The following LRP1B variants were observed in gnomAD, a reference collection of about 807,000 sequenced individuals.
The protein encoded by LRP1B is LDL receptor related protein 1B, also known as low-density lipoprotein receptor-related protein 1B.
Under a neutral mutation model 556.6 loss-of-function variants are expected in LRP1B, and 217 were observed. The ratio of observed to expected loss-of-function variants is 0.39; its 90% CI spans 0.35 to 0.44. The LOEUF is 0.44. LRP1B is among the 20% of genes least tolerant of loss of function. LRP1B has a pLI of 1.00. For synonymous variants in LRP1B, 2,047 were observed against 1,865.8 expected (o/e 1.10, Z -2.50); for missense variants, 5,053 against 5,620.8 (o/e 0.90, Z 3.23).
intron 66 of LRP1B, among the ~76,000 whole-genome samples, chr2:140,414,384 A>AT (rs573794486): frequency 8.1e-4 from 124 of 152,248 alleles, no homozygotes; most frequent in African/African-American, 2.8e-3. Flanking sequence ...ATAGTAAAAT[A>AT]TTTAAAAAAA....
chr2:142,088,902 C>G (rs928837232), intron 1 of LRP1B, among the ~76,000 whole-genome samples: 1 of 144,390 alleles, frequency 6.9e-6, no homozygotes, highest in Non-Finnish European at 1.5e-5. Context: ...ATGAACCTGG[C>G]AGGCGGAGCT....
chr2:141,809,950 A>T (rs1198080323), intron 2 of LRP1B, among the ~76,000 whole-genome samples: 1 of 151,962 alleles, frequency 6.6e-6, no homozygotes, highest in Non-Finnish European at 1.5e-5. Context: ...TGTTAACACA[A>T]TCACATTGAA....
chr2:141,171,160 A>G (rs1205597941), intron 7 of LRP1B, among the ~76,000 whole-genome samples: 1 of 152,098 alleles, frequency 6.6e-6, no homozygotes, highest in African/African-American at 2.4e-5. Context: ...ACTTGTTACA[A>G]TTACTGAACC....
chr2:140,330,078 TAATCCCAGCTACTTGGGAGGCTGA>T (rs1680716259), intron 79 of LRP1B, among the ~76,000 whole-genome samples: 1 of 151,502 alleles, frequency 6.6e-6, no homozygotes, highest in South Asian at 2.1e-4. Context: ...CAGGTGCCTG[TAATCCCAGCTACTTGGGAGGCTGA>T]GGCAGAAGAA....
intron 18 of LRP1B, among the ~76,000 whole-genome samples, chr2:140,978,850 G>T (rs955213385): frequency 6.6e-6 from 1 of 152,140 alleles, no homozygotes; most frequent in African/African-American, 2.4e-5. Context: ...AACCCATGCC[G>T]CTAGTTTACC....
chr2:141,116,728 AT>A (rs66900497), intron 7 of LRP1B, among the ~76,000 whole-genome samples: 96,135 of 150,408 alleles, frequency 0.64, 30,964 homozygotes, highest in Middle Eastern at 0.8. Flanking sequence ...GATCTGAATG[AT>A]TTTTTTTTTT....
intron 2 of LRP1B, among the ~76,000 whole-genome samples, chr2:141,562,940 A>G (rs1316493169): frequency 6.6e-6 from 1 of 152,010 alleles, no homozygotes; most frequent in East Asian, 1.9e-4. Flanking sequence ...AATAAGACCA[A>G]TTAAGAAACT....
rs78506836 is a variant in LRP1B, at chr2:141,291,132, G to T, written c.344-36491C>A. Among the ~76,000 whole-genome samples the T allele has an allele frequency of 1.7e-4, 26 of 152,190 alleles. No homozygotes were observed. In the East Asian group the frequency reaches 4.8e-3, roughly 28 times the overall value. On this transcript the variant is annotated intron_variant, in intron 3 of 90. Transcript: ENST00000389484. Reference sequence around the variant, plus strand: ...AGGTTTATAAACAACTTTTAGATTAGATATTTCTTGCCTCAGCCAGTAATA... The same window carrying T: ...AGGTTTATAAACAACTTTTAGATTATATATTTCTTGCCTCAGCCAGTAATA...
Position 141,164,927 on chromosome 2 carries a change from T to C in LRP1B, c.1013+23494A>G, listed in dbSNP as rs575127439. On this transcript the variant is annotated intron_variant, in intron 7 of 90. Coordinates refer to ENST00000389484, the MANE Select transcript of LRP1B (RefSeq NM_018557.3). ...TAACCCTTATTTTTTAATTTATGTT[T>C]CACCAACTGTCTTAATGGCCAGGTT... is the stretch of plus-strand genomic sequence containing the variant. 3.3e-5 allele frequency among the ~76,000 whole-genome samples: 5 copies of C among 152,154 alleles called. No individual in the cohort carries two copies. In the East Asian group the frequency reaches 9.7e-4, roughly 29 times the overall value.
At chr2:141,044,139 T>G (rs1330660848) in intron 11 of LRP1B, among the ~76,000 whole-genome samples, 1 of 151,742 alleles carries the variant, frequency 6.6e-6, no homozygotes, top group Non-Finnish European at 1.5e-5. Flanking sequence ...ATCTGATCTT[T>G]GACAAACCTG....
chr2:141,208,541 G>A (rs1682385935), intron 6 of LRP1B, among the ~76,000 whole-genome samples: 1 of 152,070 alleles, frequency 6.6e-6, no homozygotes, highest in African/African-American at 2.4e-5. Flanking sequence ...GGCCTTATAG[G>A]TTTAGCCACA....
chr2:141,819,194 C>T (rs964187134), intron 1 of LRP1B, among the ~76,000 whole-genome samples: 17 of 151,884 alleles, frequency 1.1e-4, no homozygotes, highest in African/African-American at 3.1e-4. Flanking sequence ...GCTGAGATCA[C>T]GCCATTGTAC....
chr2:140,320,721 C>G (rs565762412), intron 82 of LRP1B, among the ~76,000 whole-genome samples: 2 of 152,142 alleles, frequency 1.3e-5, no homozygotes, highest in South Asian at 2.1e-4. Flanking sequence ...AGCCACCACG[C>G]CTGGCAAGAA....
At chr2:140,296,010 C>CA (rs1334266754) in intron 84 of LRP1B, among the ~76,000 whole-genome samples, 2 of 151,722 alleles carry the variant, frequency 1.3e-5, no homozygotes, top group Non-Finnish European at 2.9e-5. Context: ...AAGGGGTGGT[C>CA]AAAAAAATTC....
chr2:140,822,392 C>A (rs1559139553), intron 31 of LRP1B, among the ~76,000 whole-genome samples: 1 of 152,082 alleles, frequency 6.6e-6, no homozygotes, highest in South Asian at 2.1e-4. Flanking sequence ...TCATAAAATG[C>A]CAAGTTGAGC....
rs780036365 is a variant in LRP1B, at chr2:140,324,032, T to G, written c.12375A>C (p.Glu4125Asp). ...TAGGTCCTGCTCCATATATATAATC[T>G]TCAAAGATATCGATCCTATGTGGAT... ...LLHPHRIDIF[E>D]DYIYGAGPKN... The change falls in exon 81 of 91, where the codon GAA (glutamate) becomes GAC (aspartate). Residue 4125 changes from glutamate to aspartate, a missense_variant. Around this residue, in one of 5 missense-constraint regions of LRP1B, gnomAD observed 551 missense variants for 592.0 expected, o/e 0.93. Transcript: ENST00000389484. 6 of 1,609,818 alleles carry G rather than the reference T, an allele frequency of 3.7e-6. No individual in the cohort carries two copies. The African/African-American group carries it at 8.0e-5, about 22-fold the overall frequency.
chr2:140,989,319 A>C (rs1328484623), intron 17 of LRP1B, among the ~76,000 whole-genome samples: 1 of 152,138 alleles, frequency 6.6e-6, no homozygotes, highest in African/African-American at 2.4e-5. Flanking sequence ...ATGAAGTGCC[A>C]AATTAGTCTG....
intron 3 of LRP1B, among the ~76,000 whole-genome samples, chr2:141,325,258 T>A (rs1687391388): frequency 6.6e-6 from 1 of 152,010 alleles, no homozygotes; most frequent in Admixed American, 6.6e-5. Context: ...TGGGCAGATA[T>A]CACTTGGAAG....
intron 43 of LRP1B, among the ~76,000 whole-genome samples, chr2:140,576,207 A>G (rs1482249145): frequency 6.6e-6 from 1 of 152,142 alleles, no homozygotes; most frequent in East Asian, 1.9e-4. Flanking sequence ...GATACTAGCT[A>G]TATCTCAGAA....
Sources: gnomAD v4.1 joint callset for allele counts (sites outside exome capture counted in the v4.1 genomes callset) on GRCh38, gnomAD v4.1.1 for gene constraint, gnomAD v4.1.1 regional missense constraint, MANE v1.5 for transcripts, NCBI Gene and HGNC (gene_info 2026-07-23, HGNC 2026-07-21) for gene names.